Variants in EXOC6B observed in about 807,000 individuals in gnomAD.
EXOC6B encodes SEC15 homolog B.
Under a neutral mutation model 113.5 loss-of-function variants are expected in EXOC6B, and 54 were observed. The observed-to-expected ratio is 0.48, with a 90% CI of 0.38 to 0.60. EXOC6B has a LOEUF of 0.60. EXOC6B is among the 20% of genes least tolerant of loss of function. The pLI is 0.00. For synonymous variants in EXOC6B, 357 were observed against 339.0 expected, an observed-to-expected ratio of 1.05 and a Z score of -0.58; for missense variants, 797 against 977.5, an observed-to-expected ratio of 0.82 and a Z score of 2.46.
chr2:72,602,704 T>C (rs1008844213), intron 6 of EXOC6B, among the ~76,000 whole-genome samples: 7 of 152,334 alleles, frequency 4.6e-5, no homozygotes, highest in African/African-American at 1.7e-4. Flanking sequence ...AGCATCATTC[T>C]GTCACACAGG....
Position 72,424,681 on chromosome 2 carries a change from C to T in EXOC6B, c.1980+40479G>A, listed in dbSNP as rs749574458. The stretch of plus-strand genomic sequence containing the variant: ...GCTATAAATTTTCCTTGAAGTATGA[C>T]GCTAATTGTAGCTCTATTTGACTTC... On this transcript the variant is annotated intron_variant, in intron 18 of 21. Transcript: ENST00000272427. Among the ~76,000 whole-genome samples, 72 of 152,122 alleles carry T rather than the reference C, an allele frequency of 4.7e-4. 1 individual carries two copies. The Middle Eastern group carries it at 0.01, about 22-fold the overall frequency.
chr2:72,239,455 G>A (rs887981388), intron 20 of EXOC6B, among the ~76,000 whole-genome samples: 1 of 152,144 alleles, frequency 6.6e-6, no homozygotes, highest in African/African-American at 2.4e-5. Context: ...TCACTGAATT[G>A]TCTTTGCATA....
intron 20 of EXOC6B, among the ~76,000 whole-genome samples, chr2:72,311,632 C>G (rs1687188951): frequency 6.6e-6 from 1 of 152,068 alleles, no homozygotes; most frequent in Admixed American, 6.6e-5. Flanking sequence ...TCTGCAAAAT[C>G]TCTTTTACCC....
In EXOC6B at chr2:72,183,974, C is replaced by G. The variant is rs1678254501; in HGVS notation, c.2309+101G>C. On this transcript the variant is annotated intron_variant, in intron 21 of 21. Transcript: ENST00000272427. Reference sequence around the variant, plus strand: ...GCCTATGGCAACTTCCAGAACAAGGCTATCTTTCAAGGTATTGGCAGTGGC... The same window carrying G: ...GCCTATGGCAACTTCCAGAACAAGGGTATCTTTCAAGGTATTGGCAGTGGC... 4.7e-6 allele frequency: 3 copies of G among 634,752 alleles called. No individual in the cohort carries two copies. In the East Asian group the frequency reaches 9.0e-5, roughly 19 times the overall value. 39.3% of individuals were successfully genotyped at this position (634,752 alleles called of 1,614,324 possible). A position where few individuals can be genotyped will look rare whatever the true frequency, so the allele number is the denominator to read the frequency against.
intron 13 of EXOC6B, 135 bp downstream of exon 13, chr2:72,498,319 T>C: frequency 1.8e-6 from 1 of 567,930 alleles, no homozygotes; most frequent in South Asian, 2.7e-5. Flanking sequence ...TTCTGGATCA[T>C]AACCTAGAGT....
rs569201603 is a variant in EXOC6B, at chr2:72,274,651, A to G, written c.2196+60296T>C. 4.6e-5 allele frequency among the ~76,000 whole-genome samples: 7 copies of G among 152,208 alleles called. 1 individual carries two copies. The highest frequency in any genetic ancestry group is 4.4e-5 in the Non-Finnish European group (3 of 68,032). ...AAATAGGAAAACTTCAGCGTCACTT[A>G]TACACATAAATACTTAAACTAAGCA... On this transcript the variant is annotated intron_variant, in intron 20 of 21. Transcript: ENST00000272427.
rs551595734 is a variant in EXOC6B at position 72,418,998 on chromosome 2, G to T, written c.1981-39128C>A. ...TGTGTATCGAGCTATTTTCTTTGTG[G>T]TTATAATATAGGTTATGTTTAACAT... On this transcript the variant is annotated intron_variant, in intron 18 of 21. Coordinates refer to ENST00000272427, the MANE Select transcript of EXOC6B (RefSeq NM_015189.3). Among the ~76,000 whole-genome samples the T allele has an allele frequency of 3.3e-5, 5 of 151,892 alleles. No homozygotes were observed. The East Asian group carries it at 9.7e-4, about 29-fold the overall frequency.
chr2:72,352,575 T>C (rs1281696534), intron 19 of EXOC6B, among the ~76,000 whole-genome samples: 2 of 152,096 alleles, frequency 1.3e-5, no homozygotes, highest in African/African-American at 4.8e-5. Flanking sequence ...AATACTGTAA[T>C]ACTAGAAGTA....
intron 1 of EXOC6B, among the ~76,000 whole-genome samples, chr2:72,762,548 A>C (rs559907528): frequency 6.6e-6 from 1 of 152,070 alleles, no homozygotes; most frequent in African/African-American, 2.4e-5. Flanking sequence ...TAAAGGAAAA[A>C]AAAAAATTGT....
rs888769207 is a variant in EXOC6B, at chr2:72,545,599, C to T, written c.915+13854G>A. The stretch of plus-strand genomic sequence containing the variant: ...TCAGAGTGAGGTAGTCTCTACATAA[C>T]GAGGTGTTTTCCCCATATTTACCAC... On this transcript the variant is annotated intron_variant, in intron 8 of 21. Coordinates refer to ENST00000272427, the MANE Select transcript of EXOC6B (RefSeq NM_015189.3). 7.3e-4 allele frequency among the ~76,000 whole-genome samples: 111 copies of T among 152,124 alleles called. 3 individuals are homozygous for T. The highest frequency in any genetic ancestry group is 7.2e-3 in the Admixed American group (110 of 15,266).
intron 1 of EXOC6B, among the ~76,000 whole-genome samples, chr2:72,743,973 CTG>C (rs1285615282): frequency 6.6e-6 from 1 of 152,102 alleles, no homozygotes; most frequent in Admixed American, 6.6e-5. Flanking sequence ...GGTGGTCCCA[CTG>C]TATTATCTAG....
intron 19 of EXOC6B, among the ~76,000 whole-genome samples, chr2:72,350,314 TG>T (rs1689582113): frequency 6.6e-6 from 1 of 152,220 alleles, no homozygotes; most frequent in Admixed American, 6.5e-5. Flanking sequence ...CTTTGCTTCA[TG>T]GAATTGTTCT....
chr2:72,283,971 G>A (rs906771562), intron 20 of EXOC6B, among the ~76,000 whole-genome samples: 1 of 152,072 alleles, frequency 6.6e-6, no homozygotes, highest in South Asian at 2.1e-4. Context: ...AAATATTATA[G>A]AAATTGAACC....
At chr2:72,478,751 T>C (rs1262370055) in intron 17 of EXOC6B, among the ~76,000 whole-genome samples, 1 of 152,226 alleles carries the variant, frequency 6.6e-6, no homozygotes, top group East Asian at 1.9e-4. Flanking sequence ...ACATAAAAAA[T>C]TGAGACTGGT....
chr2:72,205,323 G>T (rs997094088), intron 20 of EXOC6B, among the ~76,000 whole-genome samples: 1 of 149,296 alleles, frequency 6.7e-6, no homozygotes, highest in African/African-American at 2.5e-5. Flanking sequence ...GATGACCTAA[G>T]AACATTTATT....
chr2:72,727,838 G>A (rs1465295022), intron 5 of EXOC6B, among the ~76,000 whole-genome samples: 1 of 151,978 alleles, frequency 6.6e-6, no homozygotes, highest in Non-Finnish European at 1.5e-5. Flanking sequence ...ATGTTAATAG[G>A]TAAGCCATGC....
At chr2:72,318,229 A>G (rs564498030) in intron 20 of EXOC6B, among the ~76,000 whole-genome samples, 20 of 152,156 alleles carry the variant, frequency 1.3e-4, no homozygotes, top group Non-Finnish European at 2.6e-4. Flanking sequence ...CCGAAATAAA[A>G]CTAAGAAACA....
In EXOC6B at chr2:72,733,125, A is replaced by G. The variant is rs759318924; in HGVS notation, c.280-7T>C. The G allele has an allele frequency of 1.3e-6, 2 of 1,580,120 alleles. No homozygotes were observed. Among genetic ancestry groups the G allele is most frequent in the Non-Finnish European group, 1.7e-6 (2 of 1,158,116 alleles). On this transcript the variant is annotated splice_polypyrimidine_tract_variant and splice_region_variant and intron_variant, in intron 2 of 21. Coordinates refer to ENST00000272427, the MANE Select transcript of EXOC6B (RefSeq NM_015189.3). ...TAGTATCCGTCACTTGATTCTGTGG[A>G]GAGAAGACAATTTAAACTCATAAAA... is the stretch of plus-strand genomic sequence containing the variant.
At chr2:72,732,874 A>G (rs1333265361) in intron 3 of EXOC6B, among the ~76,000 whole-genome samples, 197 bp downstream of exon 3, 1 of 152,130 alleles carries the variant, frequency 6.6e-6, no homozygotes, top group Non-Finnish European at 1.5e-5. Context: ...CACAACTAAG[A>G]AGCCTGTATC....
Sources: allele counts gnomAD v4.1 joint callset (sites outside exome capture counted in the v4.1 genomes callset), GRCh38; gene constraint gnomAD v4.1.1; transcripts MANE v1.5; gene names NCBI Gene and HGNC (gene_info 2026-07-23, HGNC 2026-07-21).